SYNE2: variants seen among roughly 807,000 people sequenced by gnomAD.
SYNE2 encodes spectrin repeat containing nuclear envelope protein 2.
Under a neutral mutation model 856.3 loss-of-function variants are expected in SYNE2, and 431 were observed. The observed-to-expected ratio is 0.50, with a 90% CI of 0.47 to 0.55. The LOEUF (loss-of-function observed/expected upper bound fraction) is 0.55. Ranked by LOEUF, SYNE2 falls within the 20% of genes least tolerant of loss-of-function variation. SYNE2 has a pLI of 0.00. For synonymous variants in SYNE2, 2,923 were observed against 2,872.3 expected (o/e 1.02, Z -0.56); for missense variants, 8,129 against 8,023.2 (o/e 1.01, Z -0.50).
Position 64,224,506 on chromosome 14 carries a change from G to T in SYNE2, c.20428G>T (p.Asp6810Tyr), listed in dbSNP as rs1370786771. Residue 6810 changes from aspartate (D) to tyrosine (Y), a missense_variant, in exon 114 of 116, where the codon GAC becomes TAC. By Grantham distance (160) the Asp-to-Tyr change is radical. Coordinates refer to ENST00000555002, the MANE Select transcript of SYNE2 (RefSeq NM_182914.3). ...CAGCTTCGACGAGGTAGACTCGGGGGACCAGCCTCCTGCAACATCCGTGCC... is the reference window on the plus strand; with the variant it reads ...CAGCTTCGACGAGGTAGACTCGGGGTACCAGCCTCCTGCAACATCCGTGCC... The part of the protein sequence containing the change: ...LPSFDEVDSG[D>Y]QPPATSVPAP... The T allele has an allele frequency of 3.1e-6, 5 of 1,613,972 alleles. No homozygotes were observed. The highest frequency in any genetic ancestry group is 4.2e-6 in the Non-Finnish European group (5 of 1,180,048).
chr14:63,787,505 A>G (rs1887580073), intron 1 of SYNE2, among the ~76,000 whole-genome samples: 1 of 152,158 alleles, frequency 6.6e-6, no homozygotes, highest in African/African-American at 2.4e-5. Flanking sequence ...TCCTGCATCC[A>G]GGAAGAATGA....
intron 1 of SYNE2, among the ~76,000 whole-genome samples, chr14:63,775,164 T>C (rs1209043115): frequency 6.6e-6 from 1 of 151,910 alleles, no homozygotes; most frequent in Non-Finnish European, 1.5e-5. Context: ...TTAGTAGAGA[T>C]GGGGTTTCGC....
intron 45 of SYNE2, among the ~76,000 whole-genome samples, chr14:64,035,210 G>A (rs1371899810): frequency 1.3e-5 from 2 of 152,054 alleles, no homozygotes; most frequent in Non-Finnish European, 2.9e-5. Flanking sequence ...CAGGCAAAAT[G>A]TGCAAAGCTC....
chr14:63,927,376 C>T (rs1425330301), intron 2 of SYNE2, among the ~76,000 whole-genome samples: 1 of 152,004 alleles, frequency 6.6e-6, no homozygotes, highest in African/African-American at 2.4e-5. Context: ...AGTGAGACCC[C>T]ATCTGATATG....
At chr14:63,834,643 CTTTT>C (rs368369862) in intron 1 of SYNE2, among the ~76,000 whole-genome samples, 2 of 134,950 alleles carry the variant, frequency 1.5e-5, no homozygotes, top group Admixed American at 7.7e-5. Flanking sequence ...CTTTTTCTTT[CTTTT>C]TTTTTTTTTT....
At chr14:63,948,788 A>G (rs1482948283) in intron 6 of SYNE2, among the ~76,000 whole-genome samples, 1,155 of 56,786 alleles carry the variant, frequency 0.02, 27 homozygotes, top group Non-Finnish European at 0.025. Context: ...GTGTGTATAT[A>G]TATATATATA....
chr14:64,210,639 A>G (rs983483818), intron 103 of SYNE2, among the ~76,000 whole-genome samples: 1 of 152,214 alleles, frequency 6.6e-6, no homozygotes, highest in Non-Finnish European at 1.5e-5. Context: ...TTTTGAAGGT[A>G]AATATTCACC....
chr14:64,156,410 C>T (rs2098285749), intron 85 of SYNE2, among the ~76,000 whole-genome samples: 1 of 151,924 alleles, frequency 6.6e-6, no homozygotes, highest in African/African-American at 2.4e-5. Context: ...AAATGTACAT[C>T]GATGAGGAAT....
At chr14:63,935,191 G>A (rs2095815192) in intron 2 of SYNE2, among the ~76,000 whole-genome samples, 1 of 152,074 alleles carries the variant, frequency 6.6e-6, no homozygotes, top group African/African-American at 2.4e-5. Flanking sequence ...ATTTATATAA[G>A]ACAGGAATAA....
chr14:64,220,830 T>TCGTCTCTGTTGCCCAGGCCC (rs1323874883), intron 111 of SYNE2, among the ~76,000 whole-genome samples, 193 bp downstream of exon 111: 1 of 152,174 alleles, frequency 6.6e-6, no homozygotes, highest in African/African-American at 2.4e-5. Context: ...GTCCCAGGTC[T>TCGTCTCTGTTGCCCAGGCCC]CGTCTCTGTT....
At chr14:63,921,978 A>T (rs369769004) in intron 2 of SYNE2, among the ~76,000 whole-genome samples, 5 of 152,308 alleles carry the variant, frequency 3.3e-5, no homozygotes, top group Admixed American at 6.5e-5. Context: ...ATTATCCAAG[A>T]CATAGTAGGC....
In SYNE2 at chr14:64,162,171, C is replaced by G; in HGVS notation, c.16194C>G (p.Ala5398=). 1 of 1,614,174 alleles carries G rather than the reference C, an allele frequency of 6.2e-7. No homozygotes were observed. Among genetic ancestry groups the G allele is most frequent in the Non-Finnish European group, 8.5e-7 (1 of 1,180,030 alleles). Residue 5398 remains alanine (A), a synonymous_variant, in exon 88 of 116, where the codon GCC becomes GCG. Transcript: ENST00000555002. ...KAYSNAHGEA[A]ARLKQQEAKF... is the part of the protein sequence containing the mutation. Reference sequence around the variant, plus strand: ...ATAGCAATGCTCATGGTGAAGCTGCCGCAAGGCTGAAGCAGCAGGAAGCAA... The same window carrying G: ...ATAGCAATGCTCATGGTGAAGCTGCGGCAAGGCTGAAGCAGCAGGAAGCAA...
chr14:64,085,136 A>G, intron 57 of SYNE2: 5 of 624,100 alleles, frequency 8.0e-6, no homozygotes, highest in Non-Finnish European at 1.4e-5. Flanking sequence ...GCAGTGGCAC[A>G]ATGTCGGCTC....
Position 63,993,827 on chromosome 14 carries a change from T to TC in SYNE2, c.2647-8_2647-7insC. On this transcript the variant is annotated splice_polypyrimidine_tract_variant and splice_region_variant and intron_variant, in intron 21 of 115. Transcript: ENST00000555002. ...TATGATTTTGTTTGCAATTTTTTTTTTTTTTAGGAAGCACTAATAATTTCT... is the reference window on the plus strand; with the variant it reads ...TATGATTTTGTTTGCAATTTTTTTTTCTTTTTAGGAAGCACTAATAATTTCT... The TC allele has an allele frequency of 6.2e-7, 1 of 1,600,646 alleles. No individual in the cohort carries two copies. Among genetic ancestry groups the TC allele is most frequent in the Non-Finnish European group, 8.5e-7 (1 of 1,175,176 alleles).
chr14:64,093,289 T>C (rs2097645670), intron 60 of SYNE2, 60 bp from the exon 61 acceptor site: 3 of 1,592,850 alleles, frequency 1.9e-6, no homozygotes, highest in African/African-American at 2.7e-5. Flanking sequence ...ACAATGAAAA[T>C]AGTCCATTAA....
intron 51 of SYNE2, among the ~76,000 whole-genome samples, chr14:64,067,985 C>A (rs2097370510): frequency 6.6e-6 from 1 of 151,698 alleles, no homozygotes; most frequent in South Asian, 2.1e-4. Flanking sequence ...AACTATGGGT[C>A]CTTCTCCCTC....
chr14:64,009,166 A>C (rs1462873035), intron 31 of SYNE2, among the ~76,000 whole-genome samples: 1 of 152,160 alleles, frequency 6.6e-6, no homozygotes, highest in Non-Finnish European at 1.5e-5. Context: ...AGTAGAAACC[A>C]GGTGTCCTAA....
At chr14:64,106,023 C>T (rs2097768719) in intron 64 of SYNE2, among the ~76,000 whole-genome samples, 2 of 150,726 alleles carry the variant, frequency 1.3e-5, no homozygotes, top group South Asian at 4.2e-4. Flanking sequence ...TGCACCACAG[C>T]CTGGTGACAG....
At chr14:64,190,358 C>A in intron 99 of SYNE2, 121 bp downstream of exon 99, 1 of 1,304,256 alleles carries the variant, frequency 7.7e-7, no homozygotes, top group Non-Finnish European at 1.1e-6. Flanking sequence ...CAGATTAAGG[C>A]AAAGTTTGAT....
Sources: allele counts gnomAD v4.1 joint callset (sites outside exome capture counted in the v4.1 genomes callset), GRCh38; gene constraint gnomAD v4.1.1; transcripts MANE v1.5; gene names NCBI Gene and HGNC (gene_info 2026-07-23, HGNC 2026-07-21).